The following ERG variants were observed in gnomAD, a reference collection of about 807,000 sequenced individuals.
ERG encodes ETS transcription factor ERG, also known as transcriptional regulator ERG.
ERG carries 9 observed loss-of-function variants against 55.3 expected under a neutral mutation model. The ratio of observed to expected loss-of-function variants is 0.16; its 90% CI spans 0.10 to 0.28. ERG has a LOEUF of 0.28. Ranked by LOEUF, ERG falls within the 10% of genes least tolerant of loss-of-function variation. ERG has a pLI of 1.00. For synonymous variants in ERG, 223 were observed against 237.3 expected, an observed-to-expected ratio of 0.94 and a Z score of 0.55; for missense variants, 434 against 631.6, an observed-to-expected ratio of 0.69 and a Z score of 3.35.
At chr21:38,581,869 C>T (rs1193190686) in intron 1 of ERG, among the ~76,000 whole-genome samples, 7 of 151,972 alleles carry the variant, frequency 4.6e-5, no homozygotes, top group African/African-American at 1.7e-4. Flanking sequence ...CGGTGAAACC[C>T]CATCTCTACT....
intron 2 of ERG, among the ~76,000 whole-genome samples, chr21:38,541,635 A>G (rs1374682926): frequency 6.6e-6 from 1 of 152,256 alleles, no homozygotes; most frequent in East Asian, 1.9e-4. Flanking sequence ...ATGCTAAAAT[A>G]CCTCAAATTT....
intron 1 of ERG, among the ~76,000 whole-genome samples, chr21:38,658,152 C>T (rs1414625409): frequency 4.6e-5 from 7 of 152,216 alleles, no homozygotes; most frequent in African/African-American, 1.7e-4. Context: ...CATACTCCTG[C>T]TCTCTGGAAA....
intron 2 of ERG, among the ~76,000 whole-genome samples, chr21:38,516,275 A>T (rs1485553526): frequency 6.6e-6 from 1 of 152,062 alleles, no homozygotes; most frequent in Non-Finnish European, 1.5e-5. Flanking sequence ...TAAAAAATTC[A>T]GTAAAGTTGC....
chr21:38,448,098 AC>A (rs2058908842), intron 1 of ERG, among the ~76,000 whole-genome samples: 1 of 152,234 alleles, frequency 6.6e-6, no homozygotes, highest in Non-Finnish European at 1.5e-5. Context: ...TAAAAAAAAG[AC>A]CAAAATATTA....
chr21:38,560,451 G>A (rs2059886054), intron 2 of ERG, among the ~76,000 whole-genome samples: 1 of 152,060 alleles, frequency 6.6e-6, no homozygotes, highest in Non-Finnish European at 1.5e-5. Flanking sequence ...CCAACCCGGG[G>A]CCCCTCCAAA....
chr21:38,373,857 A>G, the ERG span, among the ~76,000 whole-genome samples: 1 of 152,074 alleles, frequency 6.6e-6, no homozygotes, highest in Non-Finnish European at 1.5e-5. Context: ...GAGACAGCAC[A>G]TGAGTAAGCT....
intron 2 of ERG, among the ~76,000 whole-genome samples, chr21:38,532,174 C>T (rs2059676960): frequency 6.6e-6 from 1 of 152,156 alleles, no homozygotes; most frequent in Non-Finnish European, 1.5e-5. Flanking sequence ...CATTCCGTTA[C>T]TCACAGGAGC....
At position 38,576,790 on chromosome 21, in the gene ERG, C is replaced by T. The variant is rs1196813085; in HGVS notation, c.-126-1043G>A. On this transcript the variant is annotated intron_variant, in intron 1 of 8. Coordinates refer to the ERG transcript ENST00000398897. Reference sequence around the variant, plus strand: ...GGAGAGGGGTATCTCTTCCCCTCACCTTCCCACCACCGACACCTGCCGCCC... The same window carrying T: ...GGAGAGGGGTATCTCTTCCCCTCACTTTCCCACCACCGACACCTGCCGCCC... Among the ~76,000 whole-genome samples the T allele has an allele frequency of 3.3e-5, 5 of 152,012 alleles. No homozygotes were observed. In the East Asian group the frequency reaches 5.8e-4, roughly 18 times the overall value.
chr21:38,394,842 G>A (rs185307649), intron 6 of ERG, among the ~76,000 whole-genome samples: 12 of 152,238 alleles, frequency 7.9e-5, no homozygotes, highest in Non-Finnish European at 1.5e-4. Context: ...TTTACCCATG[G>A]CATAAGTATG....
At chr21:38,393,853 T>C (rs887759858) in intron 6 of ERG, among the ~76,000 whole-genome samples, 1 of 152,230 alleles carries the variant, frequency 6.6e-6, no homozygotes, top group African/African-American at 2.4e-5. Flanking sequence ...TTTAAACTGA[T>C]GTTACTCCTC....
intron 1 of ERG, among the ~76,000 whole-genome samples, chr21:38,576,348 T>C (rs898010682): frequency 6.6e-6 from 1 of 152,194 alleles, no homozygotes; most frequent in Non-Finnish European, 1.5e-5. Flanking sequence ...TAAAGGTTAC[T>C]GATTTGTCCA....
In ERG at chr21:38,639,517, T is replaced by G. The variant is rs183859987; in HGVS notation, c.-150+22141A>C. Among the ~76,000 whole-genome samples the G allele has an allele frequency of 6.6e-5, 10 of 151,520 alleles. No homozygotes were observed. The East Asian group carries it at 1.9e-3, about 29-fold the overall frequency. ...TCCAAGAAGAGAAAACATTTAAAAA[T>G]GGAAGAGAAAATTCTCAAAGAAATC... On this transcript the variant is annotated intron_variant, in intron 1 of 10. Transcript: ENST00000398910.
Position 38,381,777 on chromosome 21 carries a change from G to T in ERG, c.*1626C>A. On this transcript the variant is annotated 3_prime_UTR_variant, in exon 10 of 10. Coordinates refer to ENST00000288319, the MANE Select transcript of ERG (RefSeq NM_182918.4). Reference sequence around the variant, plus strand: ...CTCTTTCCATTCCAGGCATAAATATGGAGGCTCCAATGTGAAACCCGGGGT... The same window carrying T: ...CTCTTTCCATTCCAGGCATAAATATTGAGGCTCCAATGTGAAACCCGGGGT... 9.4e-7 allele frequency: 1 copy of T among 1,063,380 alleles called. No homozygotes were observed. 65.9% of individuals were successfully genotyped at this position (1,063,380 alleles called of 1,614,324 possible).
intron 1 of ERG, among the ~76,000 whole-genome samples, chr21:38,640,383 C>T (rs1199597781): frequency 6.6e-6 from 1 of 152,100 alleles, no homozygotes; most frequent in Non-Finnish European, 1.5e-5. Context: ...TCTCATCTAC[C>T]TTAGGAGAAA....
At chr21:38,494,266 A>T (rs1276549808) in intron 1 of ERG, among the ~76,000 whole-genome samples, 2 of 152,242 alleles carry the variant, frequency 1.3e-5, no homozygotes, top group Non-Finnish European at 2.9e-5. Context: ...GTAGCTCCAA[A>T]GAAAAGACCC....
the ERG span, among the ~76,000 whole-genome samples, chr21:38,373,437 G>A: frequency 6.6e-6 from 1 of 152,152 alleles, no homozygotes; most frequent in East Asian, 1.9e-4. Context: ...GCCTACAATA[G>A]GCATATTTCC....
chr21:38,655,459 A>T (rs2060513215), intron 1 of ERG, among the ~76,000 whole-genome samples: 1 of 152,182 alleles, frequency 6.6e-6, no homozygotes, highest in South Asian at 2.1e-4. Context: ...TTGCACTAGC[A>T]TTCAGCATCT....
intron 9 of ERG, among the ~76,000 whole-genome samples, chr21:38,387,009 C>T (rs1987720492): frequency 6.6e-6 from 1 of 151,822 alleles, no homozygotes; most frequent in African/African-American, 2.4e-5. Flanking sequence ...AAGTAATCTC[C>T]TAATATTGTT....
chr21:38,530,408 A>G (rs2059664174), intron 2 of ERG, among the ~76,000 whole-genome samples: 1 of 152,192 alleles, frequency 6.6e-6, no homozygotes, highest in South Asian at 2.1e-4. Flanking sequence ...CAAATAGTTG[A>G]AAGGTTCCAT....
Sources: gnomAD v4.1 joint callset for allele counts (sites outside exome capture counted in the v4.1 genomes callset) on GRCh38, gnomAD v4.1.1 for gene constraint, MANE v1.5 for transcripts, NCBI Gene and HGNC (gene_info 2026-07-23, HGNC 2026-07-21) for gene names.